The following SH3KBP1 variants were observed in gnomAD, a reference collection of about 807,000 sequenced individuals.
SH3KBP1 encodes SH3 domain containing kinase binding protein 1.
SH3KBP1 carries 8 observed loss-of-function variants against 50.1 expected under a neutral mutation model. The observed-to-expected ratio is 0.16, with a 90% CI of 0.09 to 0.29. The LOEUF (loss-of-function observed/expected upper bound fraction) is 0.29. Ranked by LOEUF, SH3KBP1 falls within the 10% of genes least tolerant of loss-of-function variation. The probability of loss-of-function intolerance (pLI) is 1.00; values close to 1 mark genes in which losing one functional copy is unlikely to be tolerated. For missense variants in SH3KBP1, 377 were observed against 535.2 expected (o/e 0.70, Z 2.92); for synonymous variants, 227 against 218.6 (o/e 1.04, Z -0.34).
intron 9 of SH3KBP1, 78 bp downstream of exon 9, chrX:19,607,860 A>T: frequency 1.2e-6 from 1 of 837,457 alleles, no homozygotes; most frequent in African/African-American, 2.0e-5. Context: ...GCTCTTCAAC[A>T]TTACACCAAA....
chrX:19,717,689 A>G (rs2063947553), intron 3 of SH3KBP1, among the ~76,000 whole-genome samples: 1 of 111,966 alleles, frequency 8.9e-6, no homozygotes, highest in African/African-American at 3.3e-5. Context: ...TTGGTCAATT[A>G]ATTGACCAAC....
chrX:19,596,679 T>C (rs760994840), intron 9 of SH3KBP1, among the ~76,000 whole-genome samples: 7 of 112,405 alleles, frequency 6.2e-5, no homozygotes, highest in Non-Finnish European at 1.3e-4. Flanking sequence ...TAAGCATATG[T>C]AATACTCTAA....
At chrX:19,855,404 A>G (rs1026388636) in intron 1 of SH3KBP1, among the ~76,000 whole-genome samples, 1 of 112,471 alleles carries the variant, frequency 8.9e-6, no homozygotes, top group Non-Finnish European at 1.9e-5. Context: ...AACAAACATA[A>G]ATGAGTGAGG....
chrX:19,605,010 GAGAGCGTGCATGTCCCAA>G (rs1161597074), intron 9 of SH3KBP1, among the ~76,000 whole-genome samples: 5 of 111,403 alleles, frequency 4.5e-5, no homozygotes, highest in Admixed American at 1.9e-4. Flanking sequence ...TGGGGCCCCA[GAGAGCGTGCATGTCCCAA>G]AGAGCGTGCC....
chrX:19,826,593 G>T (rs924852419), intron 2 of SH3KBP1, among the ~76,000 whole-genome samples: 1 of 110,711 alleles, frequency 9.0e-6, no homozygotes, highest in South Asian at 3.8e-4. Flanking sequence ...TGAGGTGGTA[G>T]AATCACCTGA....
At chrX:19,700,235 A>T (rs1469076438) in intron 4 of SH3KBP1, among the ~76,000 whole-genome samples, 2 of 110,543 alleles carry the variant, frequency 1.8e-5, no homozygotes, top group East Asian at 5.6e-4. Flanking sequence ...TTTTCCTCAA[A>T]TTTTTTTTTC....
In SH3KBP1 at chrX:19,718,139, TACACAC is replaced by T. The variant is rs35514461; in HGVS notation, c.287-11161_287-11156del. Among the ~76,000 whole-genome samples, 188 of 91,068 alleles carry T rather than the reference TACACAC, an allele frequency of 2.1e-3. No homozygotes were observed. The Middle Eastern group carries it at 0.023, about 11-fold the overall frequency. The allele number at this position is 91,068 out of a possible 115,157, so 79.1% of individuals were successfully genotyped here. ...TATACTATGATCCCAATTTTATAAA[TACACAC>T]ACACACACACACACACACACACACA... On this transcript the variant is annotated intron_variant, in intron 3 of 17. Transcript: ENST00000397821.
At chrX:19,871,724 T>G (rs1330163907) in intron 1 of SH3KBP1, among the ~76,000 whole-genome samples, 1 of 111,407 alleles carries the variant, frequency 9.0e-6, no homozygotes, top group Non-Finnish European at 1.9e-5. Flanking sequence ...CTAGCCACCC[T>G]TACGTGGTGC....
chrX:19,594,803 T>C, intron 10 of SH3KBP1, 146 bp downstream of exon 10: 1 of 467,186 alleles, frequency 2.1e-6, no homozygotes, highest in Non-Finnish European at 3.8e-6. Flanking sequence ...CTTTAAAACC[T>C]GCCTGCTGAG....
At chrX:19,836,305 A>G in intron 1 of SH3KBP1, 23 bp from the exon 2 acceptor site, 1 of 1,193,787 alleles carries the variant, frequency 8.4e-7, no homozygotes, top group Non-Finnish European at 1.1e-6. Flanking sequence ...GGGAAAACAG[A>G]GTAATTTAGG....
chrX:19,799,643 C>A (rs1359025135), intron 2 of SH3KBP1: 1 of 1,208,004 alleles, frequency 8.3e-7, no homozygotes, highest in African/African-American at 1.8e-5. Flanking sequence ...CAATCTCAGA[C>A]AAGTCTGCGG....
intron 1 of SH3KBP1, among the ~76,000 whole-genome samples, chrX:19,886,762 C>T (rs1158689832): frequency 9.1e-6 from 1 of 110,055 alleles, no homozygotes; most frequent in African/African-American, 3.3e-5. Flanking sequence ...GCTCTGGACC[C>T]CGGGACTGCG....
intron 2 of SH3KBP1, among the ~76,000 whole-genome samples, chrX:19,776,549 T>G (rs1417917300): frequency 4.3e-4 from 37 of 86,600 alleles, no homozygotes; most frequent in African/African-American, 1.5e-3. Context: ...TTTTTTTTTT[T>G]TTTTTTTTTT....
At chrX:19,669,894 T>C (rs2062740616) in intron 6 of SH3KBP1, among the ~76,000 whole-genome samples, 1 of 110,960 alleles carries the variant, frequency 9.0e-6, no homozygotes, top group African/African-American at 3.3e-5. Context: ...CACGCTATTT[T>C]TTTTTTTTTG....
intron 3 of SH3KBP1, chrX:19,740,828 C>T (rs1284310421): frequency 1.0e-5 from 3 of 292,289 alleles, no homozygotes; most frequent in African/African-American, 2.7e-5. Context: ...TCCACGCCAC[C>T]GCCTTGGCGC....
At chrX:19,740,795 A>G (rs776460186) in intron 3 of SH3KBP1, 24 of 330,928 alleles carry the variant, frequency 7.3e-5, no homozygotes, top group Non-Finnish European at 1.3e-4. Context: ...CATTTCTGCC[A>G]AAGAGCTCAC....
chrX:19,689,821 C>T (rs1434413685), intron 5 of SH3KBP1, among the ~76,000 whole-genome samples: 1 of 111,922 alleles, frequency 8.9e-6, no homozygotes, highest in African/African-American at 3.2e-5. Flanking sequence ...TCAATTTGCT[C>T]ATCGTTCTTC....
At chrX:19,558,350 C>T (rs1233457442) in intron 13 of SH3KBP1, among the ~76,000 whole-genome samples, 1 of 112,311 alleles carries the variant, frequency 8.9e-6, no homozygotes, top group Non-Finnish European at 1.9e-5. Flanking sequence ...ATATCCTCCT[C>T]ACACATATCA....
rs1556346157 is a variant in SH3KBP1 at position 19,760,041 on chromosome X, C to CCTCTCCCTCTCCCTCTCTCT, written c.163-13601_163-13600insAGAGAGAGGGAGAGGGAGAG. Among the ~76,000 whole-genome samples, 105 of 50,423 alleles carry CCTCTCCCTCTCCCTCTCTCT rather than the reference C, an allele frequency of 2.1e-3. 1 individual carries two copies. The highest frequency in any genetic ancestry group is 9.2e-3 in the African/African-American group (99 of 10,724). 43.8% of individuals were successfully genotyped at this position (50,423 alleles called of 115,157 possible). The stretch of plus-strand genomic sequence containing the variant: ...TCTCTCTCCTCTCTCTCTCTCTCTC[C>CCTCTCCCTCTCCCTCTCTCT]CTCTCTCTCTCTCTCTCTCTCTCTC... On this transcript the variant is annotated intron_variant, in intron 2 of 17. Coordinates refer to ENST00000397821, the MANE Select transcript of SH3KBP1 (RefSeq NM_031892.3).
Sources: gnomAD v4.1 joint callset for allele counts (sites outside exome capture counted in the v4.1 genomes callset) on GRCh38, gnomAD v4.1.1 for gene constraint, MANE v1.5 for transcripts, NCBI Gene and HGNC (gene_info 2026-07-23, HGNC 2026-07-21) for gene names.